AANAT: variants seen among roughly 807,000 people sequenced by gnomAD.
The protein encoded by AANAT is serotonin N-acetyltransferase.
Under a neutral mutation model 15.6 loss-of-function variants are expected in AANAT, and 11 were observed. The observed-to-expected ratio is 0.71, with a 90% CI of 0.44 to 1.17. AANAT has a LOEUF of 1.17. Ranked by LOEUF, AANAT falls within the 50% of genes most tolerant of loss-of-function variation. The probability of loss-of-function intolerance (pLI) is 0.00; values close to 1 mark genes in which losing one functional copy is unlikely to be tolerated. For missense variants in AANAT, 286 were observed against 296.3 expected (o/e 0.97, Z 0.26); for synonymous variants, 139 against 131.5 (o/e 1.06, Z -0.39).
chr17:76,456,187 C>T (rs2073341337), intron 1 of AANAT, among the ~76,000 whole-genome samples: 1 of 151,688 alleles, frequency 6.6e-6, no homozygotes. Context: ...CAAAATTAGC[C>T]AGGCATGGTA....
chr17:76,466,382 C>G (rs1261574988), upstream of AANAT: 1 of 335,284 alleles, frequency 3.0e-6, no homozygotes, highest in East Asian at 7.6e-5. Flanking sequence ...GAAGGGGACC[C>G]AGAGACAGGA....
rs371141066 is a variant in AANAT, at chr17:76,469,516, T to C, written c.319-149T>C. The C allele has an allele frequency of 5.0e-6, 6 of 1,204,120 alleles. No homozygotes were observed. The highest frequency in any genetic ancestry group is 2.9e-5 in the Admixed American group (1 of 34,190). The allele number at this position is 1,204,120 out of a possible 1,614,324, so 74.6% of individuals were successfully genotyped here. ...AGTTTTCTCCATGGGGTTGGGGGTA[T>C]GGCTCCCAATTTGGGGCCCTCCTTT... On this transcript the variant is annotated intron_variant, in intron 3 of 3. Transcript: ENST00000392492. The surrounding 1 kb of genome is among the most constrained non-coding windows in gnomAD (Gnocchi z 5.2).
Position 76,469,587 on chromosome 17 carries a change from C to T in AANAT, c.319-78C>T. On this transcript the variant is annotated intron_variant, in intron 3 of 3. Transcript: ENST00000392492. The surrounding 1 kb of genome is among the most constrained non-coding windows in gnomAD (Gnocchi z 5.2). The stretch of plus-strand genomic sequence containing the variant: ...CACAGGCACCCAGGGGACACCTGCT[C>T]CCTGCCTGGGTTGGTGGTTGGGGGG... 7.1e-7 allele frequency: 1 copy of T among 1,409,348 alleles called. No individual in the cohort carries two copies. Among genetic ancestry groups the T allele is most frequent in the Non-Finnish European group, 9.3e-7 (1 of 1,076,846 alleles). 87.3% of individuals were successfully genotyped at this position (1,409,348 alleles called of 1,614,324 possible).
At chr17:76,456,351 A>AAG (rs1263002244) in intron 1 of AANAT, among the ~76,000 whole-genome samples, 2 of 150,754 alleles carry the variant, frequency 1.3e-5, no homozygotes, top group Non-Finnish European at 3.0e-5. Context: ...AAAAAAAAAA[A>AAG]GAACATGCAC....
At chr17:76,456,135 C>T (rs765630138) in intron 1 of AANAT, among the ~76,000 whole-genome samples, 26 of 152,040 alleles carry the variant, frequency 1.7e-4, no homozygotes, top group Non-Finnish European at 7.4e-5. Context: ...AGTTCAAGAC[C>T]AGCCTAACCA....
chr17:76,460,319 T>A (rs2073376865), intron 2 of AANAT, among the ~76,000 whole-genome samples: 1 of 151,778 alleles, frequency 6.6e-6, no homozygotes, highest in African/African-American at 2.4e-5. Flanking sequence ...CTGGGTAATT[T>A]TTTTGTATTT....
Position 76,469,003 on chromosome 17 carries a change from G to T in AANAT, c.163+94G>T. 1 of 1,491,884 alleles carries T rather than the reference G, an allele frequency of 6.7e-7. No individual in the cohort carries two copies. 92.4% of individuals were successfully genotyped at this position (1,491,884 alleles called of 1,614,324 possible). A position where few individuals can be genotyped will look rare whatever the true frequency, so the allele number is the denominator to read the frequency against. Reference sequence around the variant, plus strand: ...CTTAGTCTCCTGTCCTTGGAGGCTGGGTCCCAGAGTATCAGACCATGTGTG... The same window carrying T: ...CTTAGTCTCCTGTCCTTGGAGGCTGTGTCCCAGAGTATCAGACCATGTGTG... On this transcript the variant is annotated intron_variant, in intron 2 of 3. Coordinates refer to ENST00000392492, the MANE Select transcript of AANAT (RefSeq NM_001088.3). This position sits in a 1 kb window ranked among gnomAD's most constrained non-coding sequence, Gnocchi z 5.2.
upstream of AANAT, among the ~76,000 whole-genome samples, chr17:76,464,799 A>ATT (rs56837304): frequency 0.49 from 72,046 of 148,198 alleles, 19,094 homozygotes; most frequent in Non-Finnish European, 0.6. Context: ...GTATCTATAT[A>ATT]TTTTTTTTTT....
At chr17:76,464,258 C>T (rs2073416648), upstream of AANAT, among the ~76,000 whole-genome samples, 1 of 151,528 alleles carries the variant, frequency 6.6e-6, no homozygotes, top group South Asian at 2.1e-4. Flanking sequence ...AGGAGAATTG[C>T]TTGAACCTGG....
chr17:76,468,974 G>T, intron 2 of AANAT, 65 bp downstream of exon 2: 1 of 1,554,094 alleles, frequency 6.4e-7, no homozygotes, highest in South Asian at 1.1e-5. Context: ...GTGGGGAGGA[G>T]ACCCTTAGTC....
intron 1 of AANAT, among the ~76,000 whole-genome samples, chr17:76,456,608 C>A (rs551360417): frequency 4.6e-5 from 7 of 152,336 alleles, no homozygotes; most frequent in African/African-American, 1.7e-4. Context: ...TCTGGAATCA[C>A]TGCTGTAAGG....
At chr17:76,465,414 C>T (rs2073428072), upstream of AANAT, among the ~76,000 whole-genome samples, 3 of 150,462 alleles carry the variant, frequency 2.0e-5, no homozygotes, top group African/African-American at 7.3e-5. Flanking sequence ...CTCATCACTG[C>T]AGCCTGAACC....
At chr17:76,466,034 C>G (rs2073434278), upstream of AANAT, 5 of 724,956 alleles carry the variant, frequency 6.9e-6, no homozygotes, top group Admixed American at 1.1e-4. Flanking sequence ...ATCTTGTTCC[C>G]TGAGGTTCTA....
At position 76,469,864 on chromosome 17, in the gene AANAT, T is replaced by TCCACGCCGTGGGCCCCTGCGC; in HGVS notation, c.520_540dup (p.His174_Ala180dup). The TCCACGCCGTGGGCCCCTGCGC allele has an allele frequency of 6.3e-7, 1 of 1,598,996 alleles. No homozygotes were observed. The highest frequency in any genetic ancestry group is 8.5e-7 in the Non-Finnish European group (1 of 1,174,280). ...GTACCCTTCTATGAGAGGTTCAGCT[T>TCCACGCCGTGGGCCCCTGCGC]CCACGCCGTGGGCCCCTGCGCCATC... is the stretch of plus-strand genomic sequence containing the variant. On this transcript the variant is annotated inframe_insertion, in exon 4 of 4. Coordinates refer to ENST00000392492, the MANE Select transcript of AANAT (RefSeq NM_001088.3). This position sits in a 1 kb window ranked among gnomAD's most constrained non-coding sequence, Gnocchi z 5.2.
upstream of AANAT, among the ~76,000 whole-genome samples, chr17:76,464,056 C>G (rs2073414519): frequency 6.6e-6 from 1 of 152,010 alleles, no homozygotes; most frequent in Non-Finnish European, 1.5e-5. Context: ...ATTCTGGAGT[C>G]CTGCCTGGGT....
rs375531754 is a variant in AANAT at position 76,469,346 on chromosome 17, C to T, written c.318+19C>T. The T allele has an allele frequency of 1.8e-4, 289 of 1,613,118 alleles. 3 individuals carry two copies. The African/African-American group carries it at 3.3e-3, about 19-fold the overall frequency. On this transcript the variant is annotated intron_variant, in intron 3 of 3. Coordinates refer to ENST00000392492, the MANE Select transcript of AANAT (RefSeq NM_001088.3). This position sits in a 1 kb window ranked among gnomAD's most constrained non-coding sequence, Gnocchi z 5.2. ...CATGCAGGTGAGGACAGGGCTGCGA[C>T]GCCCAGCTCCAGGGAGGCCTCTGAA...
intron 1 of AANAT, 25 bp from the exon 2 acceptor site, chr17:76,468,647 C>T (rs190500023): frequency 2.0e-6 from 3 of 1,527,610 alleles, no homozygotes; most frequent in Admixed American, 4.0e-5. Context: ...GGATGAGACC[C>T]CTGTCCCTTG....
upstream of AANAT, among the ~76,000 whole-genome samples, chr17:76,466,409 G>A (rs2073438486): frequency 6.6e-6 from 1 of 151,952 alleles, no homozygotes; most frequent in Non-Finnish European, 1.5e-5. Context: ...CATGTGGTGG[G>A]TGGGCGGGGG....
intron 1 of AANAT, among the ~76,000 whole-genome samples, chr17:76,455,768 C>T (rs1161986653): frequency 6.6e-6 from 1 of 152,168 alleles, no homozygotes; most frequent in Non-Finnish European, 1.5e-5. Context: ...AATCCCAGCA[C>T]TTTGGGAGGC....
Sources: gnomAD v4.1 joint callset for allele counts (sites outside exome capture counted in the v4.1 genomes callset) on GRCh38, gnomAD v4.1.1 for gene constraint, Gnocchi (gnomAD v3.1) non-coding constraint, MANE v1.5 for transcripts, NCBI Gene and HGNC (gene_info 2026-07-23, HGNC 2026-07-21) for gene names.